CFAP47: variants seen among roughly 807,000 people sequenced by gnomAD.
CFAP47 encodes cilia and flagella associated protein 47, also known as cilia- and flagella-associated protein 47.
Under a neutral mutation model 148.1 loss-of-function variants are expected in CFAP47, and 29 were observed. That is an observed-to-expected ratio of 0.20 (90% CI 0.15 to 0.27). The LOEUF (loss-of-function observed/expected upper bound fraction) is 0.27, where lower values mean the gene tolerates loss of function less well. Ranked by LOEUF, CFAP47 falls within the 10% of genes least tolerant of loss-of-function variation. The pLI is 1.00. For missense variants in CFAP47, 1,872 were observed against 1,697.5 expected (o/e 1.10, Z -1.81); for synonymous variants, 664 against 577.3 (o/e 1.15, Z -2.15).
At chrX:36,201,639 A>T in intron 44 of CFAP47, 139 bp downstream of exon 44, 1 of 279,732 alleles carries the variant, frequency 3.6e-6, no homozygotes, top group Non-Finnish European at 6.3e-6. Context: ...ACCGAAGGAC[A>T]GCTCAGTTGT....
At chrX:36,064,001 T>C (rs1937615846) in intron 26 of CFAP47, among the ~76,000 whole-genome samples, 1 of 112,227 alleles carries the variant, frequency 8.9e-6, no homozygotes, top group Non-Finnish European at 1.9e-5. Flanking sequence ...GGGATATGAG[T>C]ATAAGGGCAG....
At chrX:36,254,960 A>T (rs1555998763) in intron 49 of CFAP47, among the ~76,000 whole-genome samples, 1 of 111,822 alleles carries the variant, frequency 8.9e-6, no homozygotes, top group Non-Finnish European at 1.9e-5. Flanking sequence ...AGCATGTACT[A>T]ATGTTATACC....
At chrX:36,129,182 A>G (rs1055422950) in intron 33 of CFAP47, among the ~76,000 whole-genome samples, 2 of 110,980 alleles carry the variant, frequency 1.8e-5, no homozygotes, top group Admixed American at 1.9e-4. Context: ...ATTTTGTAAC[A>G]TATTTTTGTG....
chrX:35,990,875 A>C (rs960773389), intron 16 of CFAP47, among the ~76,000 whole-genome samples: 1 of 111,394 alleles, frequency 9.0e-6, no homozygotes, highest in Non-Finnish European at 1.9e-5. Context: ...GTCACTATGA[A>C]GCTGAAAAAA....
chrX:36,085,528 G>T lies in CFAP47; in HGVS notation c.4906G>T (p.Asp1636Tyr). Residue 1636 changes from aspartate to tyrosine, a missense_variant, in exon 30 of 64, where the codon GAC becomes TAC. Coordinates refer to ENST00000378653, the MANE Select transcript of CFAP47 (RefSeq NM_001304548.2). Reference sequence around the variant, plus strand: ...CCATTTGCAACATTCCTCACTTCTGGACTTTCTCAAGTAAGTGCCTGGATG... The same window carrying T: ...CCATTTGCAACATTCCTCACTTCTGTACTTTCTCAAGTAAGTGCCTGGATG... ...QLHLQHSSLL[D>Y]FLNAQGGCIS... 8.5e-7 allele frequency: 1 copy of T among 1,178,661 alleles called. No homozygotes were observed. Among genetic ancestry groups the T allele is most frequent in the East Asian group, 3.0e-5 (1 of 33,524 alleles).
rs138674687 is a variant in CFAP47, at chrX:36,277,983, C to T, written c.7445-2504C>T. On this transcript the variant is annotated intron_variant, in intron 49 of 63. Transcript: ENST00000378653. ...AGCTTTGTCCCAAATGGGCACCAGC[C>T]TGTATGAGGTGTCAATCGGCCCCTA... Among the ~76,000 whole-genome samples the T allele has an allele frequency of 6.5e-4, 72 of 111,535 alleles. 1 individual carries two copies. The East Asian group carries it at 0.016, about 25-fold the overall frequency.
chrX:36,117,244 G>A (rs774641917), intron 33 of CFAP47, among the ~76,000 whole-genome samples: 4 of 111,568 alleles, frequency 3.6e-5, no homozygotes, highest in African/African-American at 1.3e-4. Flanking sequence ...TGATATATTG[G>A]TTTTCCTTGT....
At chrX:36,344,086 G>A (rs1161120550) in intron 57 of CFAP47, among the ~76,000 whole-genome samples, 2 of 108,180 alleles carry the variant, frequency 1.8e-5, no homozygotes, top group African/African-American at 3.4e-5. Flanking sequence ...TAAGTGGGGT[G>A]GGGGGAGTGG....
chrX:36,037,118 AG>A (rs766396290), intron 24 of CFAP47, among the ~76,000 whole-genome samples: 1 of 111,923 alleles, frequency 8.9e-6, no homozygotes, highest in Non-Finnish European at 1.9e-5. Context: ...CTGGTTTGAA[AG>A]AAATAGCACA....
At chrX:36,340,608 A>G (rs1941643914) in intron 57 of CFAP47, among the ~76,000 whole-genome samples, 2 of 111,263 alleles carry the variant, frequency 1.8e-5, no homozygotes, top group South Asian at 7.6e-4. Flanking sequence ...GTAATATTGG[A>G]TTAGAGCCCA....
chrX:36,317,010 C>A (rs1941439551), intron 56 of CFAP47, among the ~76,000 whole-genome samples: 1 of 111,746 alleles, frequency 8.9e-6, no homozygotes, highest in Non-Finnish European at 1.9e-5. Context: ...TGGTCTGGAA[C>A]TCCTGACCTC....
intron 20 of CFAP47, among the ~76,000 whole-genome samples, chrX:36,000,939 G>A (rs146606926): frequency 0.016 from 1,792 of 111,271 alleles, 18 homozygotes; most frequent in Middle Eastern, 0.028. Context: ...ATTAGAACAC[G>A]CACAGACCCA....
chrX:36,088,653 C>A (rs1938129829), intron 30 of CFAP47, among the ~76,000 whole-genome samples: 1 of 111,234 alleles, frequency 9.0e-6, no homozygotes, highest in Non-Finnish European at 1.9e-5. Flanking sequence ...TTACAGCATC[C>A]AGAATGGTGA....
At chrX:36,090,896 A>C (rs1188023670) in intron 30 of CFAP47, among the ~76,000 whole-genome samples, 1 of 111,820 alleles carries the variant, frequency 8.9e-6, no homozygotes, top group African/African-American at 3.2e-5. Context: ...GATTAAGTTT[A>C]GCATTTAATA....
chrX:36,140,423 A>G (rs1939119555), intron 35 of CFAP47, among the ~76,000 whole-genome samples: 1 of 111,701 alleles, frequency 9.0e-6, no homozygotes, highest in Admixed American at 9.6e-5. Context: ...GGCTCAATAT[A>G]TTTATTTTAT....
chrX:36,029,904 ATTAT>A (rs774249284), intron 22 of CFAP47, among the ~76,000 whole-genome samples: 11 of 110,182 alleles, frequency 1.0e-4, no homozygotes, highest in South Asian at 3.8e-4. Context: ...GTATTTACTA[ATTAT>A]TTATTTATAG....
At chrX:36,135,667 AC>A (rs1939032271) in intron 33 of CFAP47, among the ~76,000 whole-genome samples, 1 of 112,032 alleles carries the variant, frequency 8.9e-6, no homozygotes, top group South Asian at 3.7e-4. Context: ...GTAGGGATTG[AC>A]TACAAAGGTG....
At chrX:36,320,615 G>T (rs782551541) in intron 57 of CFAP47, among the ~76,000 whole-genome samples, 155 of 112,094 alleles carry the variant, frequency 1.4e-3, no homozygotes, top group African/African-American at 4.9e-3. Flanking sequence ...GCATTAAAAA[G>T]AGTATGAACA....
chrX:36,237,932 A>G (rs1940491327), intron 48 of CFAP47, among the ~76,000 whole-genome samples: 2 of 111,302 alleles, frequency 1.8e-5, no homozygotes, highest in Non-Finnish European at 3.8e-5. Context: ...TGGAATTAAT[A>G]TTCTAAATGA....
Sources: allele counts gnomAD v4.1 joint callset (sites outside exome capture counted in the v4.1 genomes callset), GRCh38; gene constraint gnomAD v4.1.1; transcripts MANE v1.5; gene names NCBI Gene and HGNC (gene_info 2026-07-23, HGNC 2026-07-21).